Variants in DNAH11 observed in about 807,000 individuals in gnomAD.
DNAH11 encodes dynein axonemal heavy chain 11.
Under a neutral mutation model 526.0 loss-of-function variants are expected in DNAH11, and 442 were observed. The observed-to-expected ratio is 0.84, with a 90% CI of 0.78 to 0.91. DNAH11 has a LOEUF of 0.91. DNAH11 is among the 40% of genes least tolerant of loss of function. The probability of loss-of-function intolerance (pLI) is 0.00; values close to 1 mark genes in which losing one functional copy is unlikely to be tolerated. For missense variants in DNAH11, 6,989 were observed against 5,448.7 expected, an observed-to-expected ratio of 1.28 and a Z score of -8.90; for synonymous variants, 2,461 against 1,935.9, an observed-to-expected ratio of 1.27 and a Z score of -7.12.
Position 21,853,085 on chromosome 7 carries a change from G to C in DNAH11, c.11061+454G>C, listed in dbSNP as rs528690634. Reference sequence around the variant, plus strand: ...GATACCGAGCAAAGGATAATCTCCTGCTGTACTCAAATGCACTATTCACCC... The same window carrying C: ...GATACCGAGCAAAGGATAATCTCCTCCTGTACTCAAATGCACTATTCACCC... On this transcript the variant is annotated intron_variant, in intron 67 of 81. Coordinates refer to ENST00000409508, the MANE Select transcript of DNAH11 (RefSeq NM_001277115.2). Among the ~76,000 whole-genome samples, 554 of 152,274 alleles carry C rather than the reference G, an allele frequency of 3.6e-3. 4 individuals are homozygous for C. Among genetic ancestry groups the C allele is most frequent in the African/African-American group, 0.013 (526 of 41,540 alleles).
chr7:21,665,076 T>C (rs531709887), intron 30 of DNAH11, among the ~76,000 whole-genome samples: 31 of 152,114 alleles, frequency 2.0e-4, no homozygotes, highest in African/African-American at 7.5e-4. Context: ...CTCCTCTCTT[T>C]CTTTATCTCT....
intron 65 of DNAH11, among the ~76,000 whole-genome samples, chr7:21,836,948 C>T (rs546737868): frequency 6.6e-6 from 1 of 152,164 alleles, no homozygotes; most frequent in African/African-American, 2.4e-5. Context: ...CTTGAATAGA[C>T]ATTTCTCAGA....
At chr7:21,720,903 G>C in intron 44 of DNAH11, 47 bp downstream of exon 44, 1 of 1,597,418 alleles carries the variant, frequency 6.3e-7, no homozygotes, top group Non-Finnish European at 8.5e-7. Context: ...TTTTGTGTGG[G>C]ACAGGGTCAT....
intron 45 of DNAH11, among the ~76,000 whole-genome samples, chr7:21,731,378 A>C (rs993174822): frequency 6.6e-6 from 1 of 152,170 alleles, no homozygotes; most frequent in Non-Finnish European, 1.5e-5. Context: ...GATCATGGCC[A>C]TGTTGTTCCT....
chr7:21,698,121 T>C lies in DNAH11; in HGVS notation c.6088T>C (p.Leu2030=). 1 of 1,613,570 alleles carries C rather than the reference T, an allele frequency of 6.2e-7. No homozygotes were observed. The highest frequency in any genetic ancestry group is 1.3e-5 in the African/African-American group (1 of 75,010). ...APDIELICEI[L]LVAEGFVDAR... ...TGACATTGAGCTAATCTGTGAAATC[T>C]TGTTAGTTGCTGAAGGTTTTGTGGA... The change falls in exon 36 of 82, where the codon TTG becomes CTG. Residue 2030 remains leucine, a synonymous_variant. Transcript: ENST00000409508.
intron 56 of DNAH11, among the ~76,000 whole-genome samples, chr7:21,775,961 A>G (rs1583682665): frequency 6.6e-6 from 1 of 152,358 alleles, no homozygotes; most frequent in Middle Eastern, 3.4e-3. Context: ...TGCTTCTGCC[A>G]TACTTAAAGG....
intron 36 of DNAH11, among the ~76,000 whole-genome samples, chr7:21,700,083 C>T (rs1783995684): frequency 6.6e-6 from 1 of 152,182 alleles, no homozygotes; most frequent in South Asian, 2.1e-4. Flanking sequence ...ATTTTATTAG[C>T]CCTGTTTTAC....
In DNAH11 at chr7:21,704,536, G is replaced by A. The variant is rs772530809; in HGVS notation, c.6376G>A (p.Val2126Met). Residue 2126 changes from valine (V) to methionine (M), a missense_variant, in exon 38 of 82, where the codon GTG becomes ATG. Val to Met is a conservative substitution (Grantham distance 21). Coordinates refer to ENST00000409508, the MANE Select transcript of DNAH11 (RefSeq NM_001277115.2). The part of the protein sequence containing the change: ...LVGDLFPALD[V>M]PRRRKLHFEQ... ...CGGTGACCTGTTTCCAGCCCTGGAT[G>A]TGCCCCGGAGGAGGAAGCTGCACTT... 21 of 1,613,752 alleles carry A rather than the reference G, an allele frequency of 1.3e-5. No individual in the cohort carries two copies. Among genetic ancestry groups the A allele is most frequent in the Admixed American group, 3.3e-5 (2 of 59,964 alleles).
At chr7:21,885,752 TA>T (rs1423252605) in intron 76 of DNAH11, among the ~76,000 whole-genome samples, 4 of 152,160 alleles carry the variant, frequency 2.6e-5, no homozygotes, top group African/African-American at 9.7e-5. Context: ...ATGTGTCAGT[TA>T]AAAAGACAAG....
chr7:21,774,106 T>G, intron 56 of DNAH11, 107 bp downstream of exon 56: 1 of 1,046,442 alleles, frequency 9.6e-7, no homozygotes. Context: ...TGCCAGCTGG[T>G]GAAATTTACA....
At position 21,892,677 on chromosome 7, in the gene DNAH11, C is replaced by T. The variant is rs1228043438; in HGVS notation, c.12750+10C>T. On this transcript the variant is annotated intron_variant, in intron 77 of 81. Coordinates refer to ENST00000409508, the MANE Select transcript of DNAH11 (RefSeq NM_001277115.2). The stretch of plus-strand genomic sequence containing the variant: ...GTCTACAGAAGAAAAGGTAGAGGGT[C>T]TTTCCTTCCTTTTCTTTTTCATTGA... The T allele has an allele frequency of 6.4e-7, 1 of 1,568,722 alleles. No individual in the cohort carries two copies. The highest frequency in any genetic ancestry group is 8.6e-7 in the Non-Finnish European group (1 of 1,156,510).
chr7:21,807,782 G>A, intron 62 of DNAH11, 101 bp from the exon 63 acceptor site: 1 of 1,116,606 alleles, frequency 9.0e-7, no homozygotes, highest in Middle Eastern at 3.1e-4. Flanking sequence ...TAGTGACTGT[G>A]TGGAAGGACG....
At chr7:21,729,775 C>G (rs1416850918) in intron 45 of DNAH11, among the ~76,000 whole-genome samples, 1 of 152,252 alleles carries the variant, frequency 6.6e-6, no homozygotes, top group African/African-American at 2.4e-5. Flanking sequence ...CACCAACAGT[C>G]TCTTCAATGC....
In DNAH11 at chr7:21,818,231, T is replaced by C. The variant is rs957275279; in HGVS notation, c.10583T>C (p.Ile3528Thr). 6.2e-7 allele frequency: 1 copy of C among 1,611,908 alleles called. No homozygotes were observed. ...HLGQKGFLNA[I>T]ETALAFGDVI... Reference sequence around the variant, plus strand: ...TGAATTTTAAGGTTTTTGAATGCCATTGAAACTGCTTTGGCCTTTGGTGAT... The same window carrying C: ...TGAATTTTAAGGTTTTTGAATGCCACTGAAACTGCTTTGGCCTTTGGTGAT... Residue 3528 changes from isoleucine to threonine, a missense_variant, in exon 65 of 82, where the codon ATT (isoleucine) becomes ACT (threonine). Physicochemically the swap from Ile to Thr is moderately conservative, Grantham distance 89. Transcript: ENST00000409508.
chr7:21,604,703 T>G (rs1785215791), intron 18 of DNAH11, among the ~76,000 whole-genome samples: 1 of 152,176 alleles, frequency 6.6e-6, no homozygotes, highest in African/African-American at 2.4e-5. Flanking sequence ...AAGTAAAAAC[T>G]TGTTTGGAAT....
intron 76 of DNAH11, among the ~76,000 whole-genome samples, chr7:21,886,458 C>G (rs1454121520): frequency 6.6e-6 from 1 of 152,132 alleles, no homozygotes; most frequent in Non-Finnish European, 1.5e-5. Flanking sequence ...GATTGTGAGT[C>G]TCATGGTCTT....
intron 20 of DNAH11, among the ~76,000 whole-genome samples, chr7:21,607,650 T>G (rs1211603209): frequency 6.6e-6 from 1 of 151,958 alleles, no homozygotes; most frequent in Non-Finnish European, 1.5e-5. Context: ...AACAAGCTTG[T>G]GGCCGGGTAC....
In DNAH11 at chr7:21,744,920, T is replaced by G. The variant is rs755370038; in HGVS notation, c.8367T>G (p.Phe2789Leu). Reference sequence around the variant, plus strand: ...AACAGCCCCTCATTTATTGCCACTTTGCTGATAGAGGGAAGGACCCACATT... The same window carrying G: ...AACAGCCCCTCATTTATTGCCACTTGGCTGATAGAGGGAAGGACCCACATT... Reference protein sequence around the residue: ...LLQQPLIYCHFADRGKDPHYM... With the variant: ...LLQQPLIYCHLADRGKDPHYM... Residue 2789 changes from phenylalanine (F) to leucine (L), a missense_variant, in exon 51 of 82, where the codon TTT becomes TTG. Transcript: ENST00000409508. 2.5e-6 allele frequency: 4 copies of G among 1,611,360 alleles called. No homozygotes were observed. Among genetic ancestry groups the G allele is most frequent in the Non-Finnish European group, 3.4e-6 (4 of 1,178,780 alleles).
In DNAH11 at chr7:21,601,009, G is replaced by C; in HGVS notation, c.3256-1G>C. 1 of 1,610,534 alleles carries C rather than the reference G, an allele frequency of 6.2e-7. No homozygotes were observed. The highest frequency in any genetic ancestry group is 8.5e-7 in the Non-Finnish European group (1 of 1,179,222). On this transcript the variant is annotated splice_acceptor_variant, in intron 16 of 81. Transcript: ENST00000409508. LOFTEE classifies it high-confidence loss of function. ...TCTAATTAATCTTTTTCTCACTACA[G>C]ATTGACATTTATGAAGCTTTGTATG... is the stretch of plus-strand genomic sequence containing the variant.
Sources: gnomAD v4.1 joint callset for allele counts (sites outside exome capture counted in the v4.1 genomes callset) on GRCh38, gnomAD v4.1.1 for gene constraint, MANE v1.5 for transcripts, NCBI Gene and HGNC (gene_info 2026-07-23, HGNC 2026-07-21) for gene names.